The following EBF1 variants were observed in gnomAD, a reference collection of about 807,000 sequenced individuals.
EBF1 encodes EBF transcription factor 1.
In EBF1, 10 loss-of-function variants were observed where a neutral mutation model predicts 68.4. The ratio of observed to expected loss-of-function variants is 0.15; its 90% CI spans 0.09 to 0.25. The LOEUF (loss-of-function observed/expected upper bound fraction) is 0.25. EBF1 is among the 10% of genes least tolerant of loss of function. The pLI, the probability that EBF1 is intolerant of heterozygous loss-of-function variation, is 1.00. For synonymous variants in EBF1, 298 were observed against 299.8 expected (o/e 0.99, Z 0.06); for missense variants, 509 against 794.4 (o/e 0.64, Z 4.32).
chr5:158,797,237 C>T (rs1779751283), intron 8 of EBF1, among the ~76,000 whole-genome samples: 1 of 152,140 alleles, frequency 6.6e-6, no homozygotes, highest in Non-Finnish European at 1.5e-5. Flanking sequence ...AAATAATTTG[C>T]AAATACTGTG....
chr5:158,813,781 C>T (rs968942321), intron 8 of EBF1, among the ~76,000 whole-genome samples: 2 of 152,158 alleles, frequency 1.3e-5, no homozygotes, highest in African/African-American at 4.8e-5. Context: ...TATTTCTGCA[C>T]ATATAACTGA....
chr5:159,085,691 A>G (rs1024179731), intron 4 of EBF1, among the ~76,000 whole-genome samples: 3 of 152,210 alleles, frequency 2.0e-5, no homozygotes, highest in Non-Finnish European at 4.4e-5. Flanking sequence ...TTACTTTCAC[A>G]CATTCCTATA....
At chr5:159,050,215 T>TCTCTCTCCTCTCCTCC in intron 6 of EBF1, among the ~76,000 whole-genome samples, 1 of 150,164 alleles carries the variant, frequency 6.7e-6, no homozygotes, top group Non-Finnish European at 1.5e-5. Context: ...CTCCTCCCTC[T>TCTCTCTCCTCTCCTCC]CTCTCTCCTC....
chr5:158,712,364 G>A, intron 13 of EBF1, 31 bp from the exon 14 acceptor site: 1 of 1,609,436 alleles, frequency 6.2e-7, no homozygotes, highest in Non-Finnish European at 8.5e-7. Context: ...CGGAGGTGAG[G>A]GTGGCATTCA....
intron 6 of EBF1, among the ~76,000 whole-genome samples, chr5:158,963,257 G>C (rs1048425350): frequency 6.6e-6 from 1 of 152,074 alleles, no homozygotes; most frequent in African/African-American, 2.4e-5. Context: ...CTACACACTA[G>C]AGTCTTAAAA....
rs1446236967 is a variant in EBF1, at chr5:158,698,521, G to A, written c.*590C>T. ...GCACTGCTAAGGGGTGGCATGTTAA[G>A]TTAGATATTGAAAATGCACTGTCTG... On this transcript the variant is annotated 3_prime_UTR_variant, in exon 16 of 16. Coordinates refer to ENST00000313708, the MANE Select transcript of EBF1 (RefSeq NM_024007.5). 4.6e-6 allele frequency: 1 copy of A among 219,558 alleles called. No homozygotes were observed. Among genetic ancestry groups the A allele is most frequent in the Non-Finnish European group, 9.2e-6 (1 of 109,244 alleles). The allele number at this position is 219,558 out of a possible 1,614,324, so 13.6% of individuals were successfully genotyped here. A position where few individuals can be genotyped will look rare whatever the true frequency, so the allele number is the denominator to read the frequency against.
At position 158,895,687 on chromosome 5, in the gene EBF1, G is replaced by A. The variant is rs868218900; in HGVS notation, c.555-55577C>T. Among the ~76,000 whole-genome samples, 5 of 152,268 alleles carry A rather than the reference G, an allele frequency of 3.3e-5. No homozygotes were observed. The South Asian group carries it at 6.2e-4, about 19-fold the overall frequency. On this transcript the variant is annotated intron_variant, in intron 6 of 15. Coordinates refer to ENST00000313708, the MANE Select transcript of EBF1 (RefSeq NM_024007.5). ...AATGGTAAGCAATTCAGATCAGGAG[G>A]AGTGACCTGGCCAAAGGAGATTCTG...
chr5:159,027,039 C>T (rs1767837000), intron 6 of EBF1, among the ~76,000 whole-genome samples: 1 of 152,188 alleles, frequency 6.6e-6, no homozygotes, highest in Admixed American at 6.5e-5. Context: ...TCTATCTGGA[C>T]CATTAGTGCA....
At position 158,938,414 on chromosome 5, in the gene EBF1, G is replaced by A. The variant is rs530670358; in HGVS notation, c.555-98304C>T. 3.1e-4 allele frequency among the ~76,000 whole-genome samples: 47 copies of A among 152,294 alleles called. No individual in the cohort carries two copies. In the East Asian group the frequency reaches 8.3e-3, roughly 27 times the overall value. ...AACAAGCTATGTTCCCTTCTCCTCC[G>A]GGAATTGTCCCAGCTGTTCCCTCTG... is the stretch of plus-strand genomic sequence containing the variant. On this transcript the variant is annotated intron_variant, in intron 6 of 15. Transcript: ENST00000313708.
At chr5:158,873,236 T>C (rs1022552256) in intron 6 of EBF1, among the ~76,000 whole-genome samples, 3 of 152,158 alleles carry the variant, frequency 2.0e-5, no homozygotes, top group Non-Finnish European at 4.4e-5. Context: ...TTTTACTGTC[T>C]AAAGACAAAG....
intron 10 of EBF1, among the ~76,000 whole-genome samples, chr5:158,762,214 T>C (rs1771623180): frequency 6.6e-6 from 1 of 152,204 alleles, no homozygotes; most frequent in African/African-American, 2.4e-5. Flanking sequence ...CATATATAAA[T>C]GTATAAAGCA....
chr5:158,766,495 A>T (rs1281048460), intron 10 of EBF1, among the ~76,000 whole-genome samples: 1 of 152,200 alleles, frequency 6.6e-6, no homozygotes, highest in Non-Finnish European at 1.5e-5. Flanking sequence ...TTTATATGTG[A>T]AATATTGTAA....
intron 6 of EBF1, among the ~76,000 whole-genome samples, chr5:159,042,692 TA>T (rs1299966591): frequency 1.3e-5 from 2 of 151,756 alleles, no homozygotes; most frequent in Non-Finnish European, 2.9e-5. Context: ...TTCAGTTACT[TA>T]AAAAAAATCC....
intron 6 of EBF1, among the ~76,000 whole-genome samples, chr5:158,982,733 A>G (rs1758136723): frequency 6.6e-6 from 1 of 152,004 alleles, no homozygotes; most frequent in African/African-American, 2.4e-5. Context: ...AGTGTCCATG[A>G]TCCCTTGATT....
intron 6 of EBF1, among the ~76,000 whole-genome samples, chr5:158,970,505 C>A (rs1755425223): frequency 6.6e-6 from 1 of 152,206 alleles, no homozygotes; most frequent in South Asian, 2.1e-4. Context: ...GTCACTGGCA[C>A]ACTCCTTATT....
At chr5:158,992,906 G>C (rs1043267386) in intron 6 of EBF1, among the ~76,000 whole-genome samples, 1 of 140,016 alleles carries the variant, frequency 7.1e-6, no homozygotes, top group Non-Finnish European at 1.5e-5. Context: ...TAAGAGCCCT[G>C]CTGTTTCTTT....
intron 6 of EBF1, among the ~76,000 whole-genome samples, chr5:158,857,682 CA>C (rs370206618): frequency 5.8e-4 from 89 of 152,212 alleles, no homozygotes; most frequent in African/African-American, 2.1e-3. Flanking sequence ...AGCAGTTTTC[CA>C]TACTAAAAAT....
At chr5:158,769,363 C>G (rs949553771) in intron 10 of EBF1, among the ~76,000 whole-genome samples, 2 of 152,034 alleles carry the variant, frequency 1.3e-5, no homozygotes, top group African/African-American at 4.8e-5. Context: ...GTATATAAGG[C>G]CTCGTGGCCA....
At chr5:159,000,734 A>G (rs1346415833) in intron 6 of EBF1, among the ~76,000 whole-genome samples, 2 of 152,198 alleles carry the variant, frequency 1.3e-5, no homozygotes, top group Non-Finnish European at 2.9e-5. Flanking sequence ...ATATTGTCTA[A>G]CAAAGTATGT....
Sources: allele counts gnomAD v4.1 joint callset (sites outside exome capture counted in the v4.1 genomes callset), GRCh38; gene constraint gnomAD v4.1.1; transcripts MANE v1.5; gene names NCBI Gene and HGNC (gene_info 2026-07-23, HGNC 2026-07-21).